CFAP70: variants seen among roughly 807,000 people sequenced by gnomAD.
CFAP70 encodes the protein cilia- and flagella-associated protein 70.
In CFAP70, 81 loss-of-function variants were observed where a neutral mutation model predicts 137.6. The ratio of observed to expected loss-of-function variants is 0.59; its 90% CI spans 0.49 to 0.71. CFAP70 has a LOEUF of 0.71. Ranked by LOEUF, CFAP70 falls within the 30% of genes least tolerant of loss-of-function variation. The pLI, the probability that CFAP70 is intolerant of heterozygous loss-of-function variation, is 0.00. For synonymous variants in CFAP70, 382 were observed against 423.6 expected, an observed-to-expected ratio of 0.90 and a Z score of 1.20; for missense variants, 976 against 1,226.7, an observed-to-expected ratio of 0.80 and a Z score of 3.05.
intron 5 of CFAP70, among the ~76,000 whole-genome samples, chr10:73,343,209 CAAA>C (rs60755900): frequency 4.1e-5 from 3 of 72,646 alleles, no homozygotes; most frequent in Admixed American, 3.3e-4. Context: ...GATTCCGTCT[CAAA>C]AAAAAAAAAA....
intron 3 of CFAP70, among the ~76,000 whole-genome samples, chr10:73,350,719 T>C (rs897891546): frequency 1.3e-5 from 2 of 152,112 alleles, no homozygotes; most frequent in Non-Finnish European, 2.9e-5. Context: ...TTACATGATT[T>C]AATTTTTTAC....
At chr10:73,308,682 G>A (rs2049624821) in intron 12 of CFAP70, among the ~76,000 whole-genome samples, 1 of 148,588 alleles carries the variant, frequency 6.7e-6, no homozygotes, top group South Asian at 2.1e-4. Flanking sequence ...CTGATCACAA[G>A]GAAATAGAAC....
intron 9 of CFAP70, among the ~76,000 whole-genome samples, chr10:73,321,700 T>C (rs928576268): frequency 6.6e-5 from 10 of 152,032 alleles, no homozygotes; most frequent in South Asian, 2.1e-4. Flanking sequence ...AAAAAAAAAA[T>C]TATAGTTCAT....
intron 9 of CFAP70, among the ~76,000 whole-genome samples, chr10:73,314,993 C>T (rs1345726799): frequency 6.6e-6 from 1 of 151,696 alleles, no homozygotes; most frequent in African/African-American, 2.4e-5. Context: ...GCAGGAGGAT[C>T]GTTTGAGCCC....
chr10:73,307,310 A>G (rs2049464501), intron 12 of CFAP70, among the ~76,000 whole-genome samples: 1 of 152,244 alleles, frequency 6.6e-6, no homozygotes. Flanking sequence ...ACAAAAAAAA[A>G]TAAGACATGA....
chr10:73,295,710 C>T (rs1246337220), intron 15 of CFAP70: 1 of 152,156 alleles, frequency 6.6e-6, no homozygotes, highest in Non-Finnish European at 1.5e-5. Context: ...TGGCTCTTTG[C>T]CTCTTTAACA....
intron 12 of CFAP70, among the ~76,000 whole-genome samples, chr10:73,306,249 C>T (rs1188549800): frequency 6.6e-6 from 1 of 152,016 alleles, no homozygotes; most frequent in African/African-American, 2.4e-5. Context: ...AAACTTCCCC[C>T]TTTCTAGAGA....
rs1280628545 is a variant in CFAP70, at chr10:73,291,677, G to A, written c.1983C>T (p.Cys661=). ...AGGCTACAACATTAGTTGGTTCCAA[G>A]CAAGTAGCATCCTCAAAGAAAATTT... The change falls in exon 18 of 27, where the codon TGC becomes TGT. Residue 661 remains cysteine (C), a synonymous_variant. Transcript: ENST00000310715. 10 of 1,613,962 alleles carry A rather than the reference G, an allele frequency of 6.2e-6. No individual in the cohort carries two copies. In the Admixed American group the frequency reaches 1.2e-4, roughly 19 times the overall value.
At chr10:73,286,052 A>G (rs2047682347) in intron 19 of CFAP70, among the ~76,000 whole-genome samples, 1 of 152,164 alleles carries the variant, frequency 6.6e-6, no homozygotes, top group Admixed American at 6.5e-5. Context: ...ACTGGTAGAC[A>G]ATGACCACCA....
intron 19 of CFAP70, among the ~76,000 whole-genome samples, chr10:73,283,012 T>C (rs1419902472): frequency 6.6e-6 from 1 of 151,482 alleles, no homozygotes; most frequent in Admixed American, 6.6e-5. Context: ...TTTGTATTTT[T>C]AGTAGAGACA....
rs759033499 is a variant in CFAP70 at position 73,312,460 on chromosome 10, CT to C, written c.1083+12del. 3.2e-5 allele frequency: 50 copies of C among 1,569,648 alleles called. No individual in the cohort carries two copies. The East Asian group carries it at 1.1e-3, about 34-fold the overall frequency. The stretch of plus-strand genomic sequence containing the variant: ...ATCTAAGAGGCAAAATCATCACCTT[CT>C]CAACAACCTACCACATCCCCAGGCC... On this transcript the variant is annotated intron_variant, in intron 10 of 26. Coordinates refer to ENST00000310715, the Ensembl canonical transcript of CFAP70.
At chr10:73,350,356 GA>G (rs1430914772) in intron 3 of CFAP70, among the ~76,000 whole-genome samples, 5 of 151,024 alleles carry the variant, frequency 3.3e-5, no homozygotes, top group Non-Finnish European at 7.4e-5. Context: ...CCTGACAGAT[GA>G]AAATAGCATC....
At chr10:73,274,761 T>C (rs1472782689) in intron 22 of CFAP70, 167 bp from the exon 24 acceptor site, 3 of 656,790 alleles carry the variant, frequency 4.6e-6, no homozygotes, top group Non-Finnish European at 7.5e-6. Flanking sequence ...CATAACCATT[T>C]AATTGTACAA....
exon 23 of CFAP70, chr10:73,274,451 G>A: frequency 6.2e-7 from 1 of 1,613,030 alleles, no homozygotes; most frequent in East Asian, 2.2e-5. Context: ...CTTCCAGATA[G>A]ATGAGCCCCA....
chr10:73,325,638 G>A (rs2051334208), intron 8 of CFAP70, among the ~76,000 whole-genome samples: 1 of 152,084 alleles, frequency 6.6e-6, no homozygotes, highest in Non-Finnish European at 1.5e-5. Flanking sequence ...AAGGATGGAG[G>A]AAGATCTACC....
chr10:73,286,545 C>T (rs539159792), intron 19 of CFAP70, among the ~76,000 whole-genome samples: 1 of 152,252 alleles, frequency 6.6e-6, no homozygotes. Flanking sequence ...TAACCAGACA[C>T]ACAAGGATAC....
intron 2 of CFAP70, among the ~76,000 whole-genome samples, 188 bp downstream of exon 2, chr10:73,354,546 T>C (rs2054522545): frequency 6.6e-6 from 1 of 152,184 alleles, no homozygotes; most frequent in South Asian, 2.1e-4. Flanking sequence ...AGTATTCAAA[T>C]TGCCGGGTAT....
intron 12 of CFAP70, among the ~76,000 whole-genome samples, chr10:73,303,349 C>T (rs947024665): frequency 2.0e-5 from 3 of 152,150 alleles, no homozygotes; most frequent in African/African-American, 4.8e-5. Flanking sequence ...TCCTGAGTAG[C>T]TGGGACTACA....
At position 73,353,575 on chromosome 10, in the gene CFAP70, G is replaced by A. The variant is rs200431661; in HGVS notation, c.231C>T (p.Leu77=). The A allele has an allele frequency of 2.0e-5, 33 of 1,614,104 alleles. 1 individual carries two copies. Among genetic ancestry groups the A allele is most frequent in the Admixed American group, 1.5e-4 (9 of 60,016 alleles). ...ACTTACAGAACACAGGTTTGTGAGC[G>A]AGGTCATCTGAAGTGATTCCTCCTT... The change falls in exon 3 of 27, where the codon CTC becomes CTT. Residue 77 remains leucine (L), a synonymous_variant. Transcript: ENST00000310715.
Sources: gnomAD v4.1 joint callset for allele counts (sites outside exome capture counted in the v4.1 genomes callset) on GRCh38, gnomAD v4.1.1 for gene constraint, MANE v1.5 for transcripts, NCBI Gene and HGNC (gene_info 2026-07-23, HGNC 2026-07-21) for gene names.